FAM240A: variants seen among roughly 807,000 people sequenced by gnomAD.
FAM240A encodes the protein protein FAM240A.
In FAM240A, 8 loss-of-function variants were observed where a neutral mutation model predicts 7.3. That is an observed-to-expected ratio of 1.09 (90% CI 0.64 to 1.97). The LOEUF is 1.97. FAM240A is among the 30% of genes most tolerant of loss of function. FAM240A has a pLI of 0.00. For missense variants in FAM240A, 90 were observed against 102.2 expected (o/e 0.88, Z 0.52); for synonymous variants, 32 against 35.9 (o/e 0.89, Z 0.38).
rs374622273 is a variant in FAM240A at position 46,619,316 on chromosome 3, G to A, written c.161+1988G>A. On this transcript the variant is annotated intron_variant, in intron 2 of 2. Transcript: ENST00000640551. ...TGGGCTCACCCTTTTGGGTCCCTGG[G>A]GTGAGCAACCAAATCTCCCTGGGTC... 9.9e-5 allele frequency among the ~76,000 whole-genome samples: 15 copies of A among 152,222 alleles called. No homozygotes were observed. In the South Asian group the frequency reaches 2.9e-3, roughly 30 times the overall value.
chr3:46,615,208 C>T (rs548540172), intron 1 of FAM240A, among the ~76,000 whole-genome samples: 2 of 152,232 alleles, frequency 1.3e-5, no homozygotes, highest in African/African-American at 4.8e-5. Context: ...AGCTGTGGCC[C>T]AGACCTCTAT....
intron 1 of FAM240A, among the ~76,000 whole-genome samples, chr3:46,613,347 A>C (rs1354066697): frequency 1.3e-5 from 2 of 151,994 alleles, no homozygotes; most frequent in Non-Finnish European, 2.9e-5. Context: ...TACAAAAATT[A>C]GCCCGGCGTG....
intron 2 of FAM240A, among the ~76,000 whole-genome samples, chr3:46,618,867 GTATATATATA>G (rs35741930): frequency 0.03 from 4,199 of 138,630 alleles, 100 homozygotes; most frequent in South Asian, 0.056. Flanking sequence ...ATATATATAT[GTATATATATA>G]TATATACACA....
chr3:46,616,150 T>C (rs1697627044), intron 1 of FAM240A, among the ~76,000 whole-genome samples: 1 of 152,222 alleles, frequency 6.6e-6, no homozygotes, highest in African/African-American at 2.4e-5. Flanking sequence ...AGGTGCCAGC[T>C]TGTGGAAGGT....
chr3:46,620,690 A>G (rs1360707011), intron 2 of FAM240A, among the ~76,000 whole-genome samples: 1 of 152,180 alleles, frequency 6.6e-6, no homozygotes, highest in Non-Finnish European at 1.5e-5. Flanking sequence ...GGAAGGGGAA[A>G]GATGAGGGAG....
chr3:46,615,868 A>C (rs1350842673), intron 1 of FAM240A, among the ~76,000 whole-genome samples: 3 of 151,736 alleles, frequency 2.0e-5, no homozygotes, highest in African/African-American at 4.8e-5. Flanking sequence ...ACACACACAC[A>C]CCTCAAAGCA....
intron 1 of FAM240A, among the ~76,000 whole-genome samples, chr3:46,613,478 A>C (rs1368757350): frequency 1.9e-5 from 2 of 107,662 alleles, no homozygotes; most frequent in Non-Finnish European, 4.0e-5. Context: ...TGGGTGACAG[A>C]GTGAAACTCC....
At chr3:46,614,877 T>C (rs1179519331) in intron 1 of FAM240A, among the ~76,000 whole-genome samples, 1 of 152,256 alleles carries the variant, frequency 6.6e-6, no homozygotes, top group African/African-American at 2.4e-5. Flanking sequence ...CAATGACATT[T>C]AATTAGCTCA....
At chr3:46,615,306 G>A (rs1411448811) in intron 1 of FAM240A, among the ~76,000 whole-genome samples, 1 of 151,878 alleles carries the variant, frequency 6.6e-6, no homozygotes, top group Non-Finnish European at 1.5e-5. Context: ...CATCCATCCA[G>A]CACAGCCTGA....
chr3:46,623,880 T>C (rs906571008), intron 2 of FAM240A, among the ~76,000 whole-genome samples: 1 of 152,216 alleles, frequency 6.6e-6, no homozygotes, highest in Non-Finnish European at 1.5e-5. Flanking sequence ...CATTAATTGG[T>C]ATGATTTGTT....
chr3:46,613,354 C>T lies in FAM240A; in HGVS notation c.15+656C>T, dbSNP rs180824341. ...ACTAAAAATACAAAAATTAGCCCGG[C>T]GTGGTAGCAGGCACCTGTAATCCCA... On this transcript the variant is annotated intron_variant, in intron 1 of 2. Transcript: ENST00000640551. 1.6e-3 allele frequency among the ~76,000 whole-genome samples: 236 copies of T among 152,044 alleles called. 1 individual carries two copies. The highest frequency in any genetic ancestry group is 5.3e-3 in the African/African-American group (220 of 41,470).
intron 1 of FAM240A, among the ~76,000 whole-genome samples, chr3:46,613,803 G>A (rs941486030): frequency 6.6e-6 from 1 of 152,190 alleles, no homozygotes; most frequent in African/African-American, 2.4e-5. Context: ...TGCCTATCAC[G>A]TGAAGTGCCA....
At chr3:46,622,807 A>C (rs1268149682) in intron 2 of FAM240A, among the ~76,000 whole-genome samples, 1 of 152,174 alleles carries the variant, frequency 6.6e-6, no homozygotes, top group Non-Finnish European at 1.5e-5. Flanking sequence ...AGGTGTTGTA[A>C]GTCTTACAAC....
At chr3:46,622,129 T>TTG in intron 2 of FAM240A, among the ~76,000 whole-genome samples, 1 of 146,218 alleles carries the variant, frequency 6.8e-6, no homozygotes, top group Non-Finnish European at 1.5e-5. Context: ...TTTTTTTTTT[T>TTG]TGAGACAGAG....
At chr3:46,615,617 T>C (rs1697619295) in intron 1 of FAM240A, among the ~76,000 whole-genome samples, 2 of 152,002 alleles carry the variant, frequency 1.3e-5, no homozygotes, top group South Asian at 4.2e-4. Flanking sequence ...TGGGATAAGG[T>C]CCAAATCCTC....
intron 1 of FAM240A, among the ~76,000 whole-genome samples, chr3:46,613,909 ATTTGTTTG>A (rs146493522): frequency 5.3e-5 from 8 of 151,716 alleles, no homozygotes; most frequent in Non-Finnish European, 7.4e-5. Context: ...GGTATTAGAT[ATTTGTTTG>A]TTTGTTTGTT....
intron 2 of FAM240A, among the ~76,000 whole-genome samples, chr3:46,618,759 G>C (rs1187220803): frequency 6.6e-6 from 1 of 151,828 alleles, no homozygotes; most frequent in African/African-American, 2.4e-5. Flanking sequence ...AGAATCACTT[G>C]AACCCGGGAG....
chr3:46,618,942 A>G (rs1262473307), intron 2 of FAM240A, among the ~76,000 whole-genome samples: 1 of 151,938 alleles, frequency 6.6e-6, no homozygotes, highest in Admixed American at 6.6e-5. Flanking sequence ...ATCTATGCAT[A>G]TAATAAAAGA....
intron 2 of FAM240A, among the ~76,000 whole-genome samples, chr3:46,623,501 T>C (rs1250749440): frequency 3.3e-5 from 5 of 152,198 alleles, no homozygotes; most frequent in African/African-American, 7.2e-5. Flanking sequence ...CTGCTATAAA[T>C]ACAGATTTGT....
Sources: allele counts gnomAD v4.1 joint callset (sites outside exome capture counted in the v4.1 genomes callset), GRCh38; gene constraint gnomAD v4.1.1; transcripts MANE v1.5; gene names NCBI Gene and HGNC (gene_info 2026-07-23, HGNC 2026-07-21).